The following SYN2 variants were observed in gnomAD, a reference collection of about 807,000 sequenced individuals.
SYN2 encodes synapsin II, also known as synapsin-2.
SYN2 carries 19 observed loss-of-function variants against 50.9 expected under a neutral mutation model. That is an observed-to-expected ratio of 0.37 (90% confidence interval 0.26 to 0.55). The LOEUF is 0.55. Among genes scored for constraint, SYN2 ranks in the 20% least tolerant of loss-of-function variants. SYN2 has a pLI of 0.81. For synonymous variants in SYN2, 255 were observed against 224.9 expected (o/e 1.13, Z -1.20); for missense variants, 587 against 576.4 (o/e 1.02, Z -0.19).
intron 10 of SYN2, among the ~76,000 whole-genome samples, chr3:12,175,811 A>C (rs1218423983): frequency 6.6e-6 from 1 of 152,204 alleles, no homozygotes; most frequent in African/African-American, 2.4e-5. Flanking sequence ...GGCCCAAGCC[A>C]GCTGCAGTAC....
intron 12 of SYN2, among the ~76,000 whole-genome samples, chr3:12,189,095 C>T (rs1313132666): frequency 6.6e-6 from 1 of 152,188 alleles, no homozygotes; most frequent in Non-Finnish European, 1.5e-5. Context: ...AGAGACTGCT[C>T]ACAGTTCTGT....
chr3:12,167,532 G>A (rs1431581881), intron 8 of SYN2, among the ~76,000 whole-genome samples: 1 of 152,162 alleles, frequency 6.6e-6, no homozygotes, highest in African/African-American at 2.4e-5. Context: ...AGCTTCCTGA[G>A]GCCTCACCAG....
At chr3:12,103,330 C>A (rs1696115492) in intron 1 of SYN2, among the ~76,000 whole-genome samples, 1 of 152,054 alleles carries the variant, frequency 6.6e-6, no homozygotes, top group South Asian at 2.1e-4. Context: ...AAAAGAAAGG[C>A]AAGCAAAGAA....
intron 4 of SYN2, among the ~76,000 whole-genome samples, chr3:12,149,575 TC>T (rs1267192711): frequency 6.6e-6 from 1 of 152,182 alleles, no homozygotes; most frequent in Non-Finnish European, 1.5e-5. Flanking sequence ...GCCTGCACTT[TC>T]CTTTGCTCTC....
intron 1 of SYN2, among the ~76,000 whole-genome samples, chr3:12,038,512 T>C (rs1694549018): frequency 6.6e-6 from 1 of 152,218 alleles, no homozygotes; most frequent in African/African-American, 2.4e-5. Context: ...AATTTGGAGA[T>C]ATTGGCATTT....
At chr3:12,183,217 A>C (rs1207179550) in intron 10 of SYN2, 95 bp from the exon 11 acceptor site, 4 of 1,484,132 alleles carry the variant, frequency 2.7e-6, no homozygotes, top group Non-Finnish European at 3.6e-6. Context: ...GTCCCACCGG[A>C]TTCCACTGCG....
At chr3:12,084,004 C>T (rs993401291) in intron 1 of SYN2, among the ~76,000 whole-genome samples, 1 of 152,102 alleles carries the variant, frequency 6.6e-6, no homozygotes, top group Non-Finnish European at 1.5e-5. Context: ...ACATGTCTCT[C>T]CCCATTCTTA....
At chr3:12,073,688 A>G (rs1000795599) in intron 1 of SYN2, among the ~76,000 whole-genome samples, 1 of 152,152 alleles carries the variant, frequency 6.6e-6, no homozygotes, top group South Asian at 2.1e-4. Context: ...TATTTTTGCT[A>G]TTGGTTTGTA....
chr3:12,081,137 C>T (rs977532376), intron 1 of SYN2, among the ~76,000 whole-genome samples: 2 of 152,128 alleles, frequency 1.3e-5, no homozygotes, highest in Non-Finnish European at 2.9e-5. Flanking sequence ...CTATTAACCT[C>T]GTATAGTGCT....
intron 1 of SYN2, among the ~76,000 whole-genome samples, chr3:12,066,610 C>T (rs921930843): frequency 6.6e-6 from 1 of 152,060 alleles, no homozygotes; most frequent in Non-Finnish European, 1.5e-5. Context: ...CTTACCCTTA[C>T]ATTTGTGTAC....
At chr3:12,090,300 A>C (rs1301492815) in intron 1 of SYN2, among the ~76,000 whole-genome samples, 1 of 152,040 alleles carries the variant, frequency 6.6e-6, no homozygotes, top group African/African-American at 2.4e-5. Context: ...CTATGAGGAA[A>C]CTCTAGCCTG....
intron 3 of SYN2, among the ~76,000 whole-genome samples, chr3:12,144,899 T>C (rs75244809): frequency 0.03 from 4,638 of 152,104 alleles, 162 homozygotes; most frequent in East Asian, 0.19. Context: ...AGCATATTGG[T>C]GTGTGCCTGT....
At chr3:12,099,277 T>C (rs1696015407) in intron 1 of SYN2, among the ~76,000 whole-genome samples, 1 of 152,176 alleles carries the variant, frequency 6.6e-6, no homozygotes, top group African/African-American at 2.4e-5. Context: ...CAAGGGCACA[T>C]GGAACATTCT....
At chr3:12,062,357 A>G (rs965748635) in intron 1 of SYN2, among the ~76,000 whole-genome samples, 1 of 152,042 alleles carries the variant, frequency 6.6e-6, no homozygotes, top group Non-Finnish European at 1.5e-5. Flanking sequence ...AAAAATTAAA[A>G]TGGACCATAA....
At chr3:12,084,441 A>G (rs993368646) in intron 1 of SYN2, among the ~76,000 whole-genome samples, 8 of 152,316 alleles carry the variant, frequency 5.3e-5, no homozygotes, top group East Asian at 3.9e-4. Context: ...TTGTTCTTCA[A>G]AAATGAAGGG....
At chr3:12,054,365 A>G (rs1254739371) in intron 1 of SYN2, among the ~76,000 whole-genome samples, 1 of 152,158 alleles carries the variant, frequency 6.6e-6, no homozygotes, top group African/African-American at 2.4e-5. Context: ...GTGGCACTTC[A>G]TCTGAATCTG....
chr3:12,070,916 T>C, intron 1 of SYN2: 1 of 558,472 alleles, frequency 1.8e-6, no homozygotes, highest in Non-Finnish European at 3.6e-6. Context: ...GAACAGGAGA[T>C]GGCCACCGCC....
chr3:12,114,707 A>G (rs538813897), intron 1 of SYN2, among the ~76,000 whole-genome samples: 14 of 152,192 alleles, frequency 9.2e-5, no homozygotes, highest in Non-Finnish European at 1.9e-4. Flanking sequence ...ATAAAAAAAT[A>G]TTGAAGGGAG....
chr3:12,184,991 A>G, intron 11 of SYN2: 1 of 985,836 alleles, frequency 1.0e-6, no homozygotes, highest in African/African-American at 1.7e-5. Flanking sequence ...GGTGGTATGT[A>G]ACAAGAGTTA....
Sources: gnomAD v4.1 joint callset for allele counts (sites outside exome capture counted in the v4.1 genomes callset) on GRCh38, gnomAD v4.1.1 for gene constraint, MANE v1.5 for transcripts, NCBI Gene and HGNC (gene_info 2026-07-23, HGNC 2026-07-21) for gene names.